Variants in RORA observed in about 807,000 individuals in gnomAD.
RORA encodes the protein nuclear receptor ROR-alpha.
Under a neutral mutation model 69.5 loss-of-function variants are expected in RORA, and 7 were observed. The observed-to-expected ratio is 0.10, with a 90% CI of 0.06 to 0.19. RORA has a LOEUF of 0.19. Among genes scored for constraint, RORA ranks in the 10% least tolerant of loss-of-function variants. RORA has a pLI of 1.00. For synonymous variants in RORA, 261 were observed against 240.8 expected (o/e 1.08, Z -0.78); for missense variants, 457 against 663.0 (o/e 0.69, Z 3.41).
chr15:60,671,167 T>C (rs535721358), intron 2 of RORA, among the ~76,000 whole-genome samples: 2 of 150,446 alleles, frequency 1.3e-5, no homozygotes, highest in African/African-American at 2.5e-5. Context: ...GAAACCACTG[T>C]GTCCGGAATC....
chr15:61,052,663 G>C (rs1157580087), intron 1 of RORA, among the ~76,000 whole-genome samples: 1 of 152,198 alleles, frequency 6.6e-6, no homozygotes, highest in Non-Finnish European at 1.5e-5. Context: ...AGCGCATTTT[G>C]AGACTGAGTA....
At chr15:60,818,201 A>G (rs992950639) in intron 1 of RORA, among the ~76,000 whole-genome samples, 2 of 152,162 alleles carry the variant, frequency 1.3e-5, no homozygotes, top group Non-Finnish European at 2.9e-5. Context: ...TGCAAAAGTT[A>G]TTGCAGTTTT....
intron 1 of RORA, among the ~76,000 whole-genome samples, chr15:60,680,537 C>A (rs1230560196): frequency 6.6e-6 from 1 of 151,666 alleles, no homozygotes; most frequent in Non-Finnish European, 1.5e-5. Context: ...TGGCATGGAG[C>A]TAAAACTTTT....
intron 3 of RORA, among the ~76,000 whole-genome samples, chr15:60,524,711 A>G (rs886559881): frequency 3.3e-5 from 5 of 152,200 alleles, no homozygotes; most frequent in Non-Finnish European, 7.3e-5. Flanking sequence ...GTCAATAAAT[A>G]CTTGTTGAAC....
At chr15:60,603,319 A>T (rs925018912) in intron 2 of RORA, among the ~76,000 whole-genome samples, 26 of 152,232 alleles carry the variant, frequency 1.7e-4, no homozygotes, top group Non-Finnish European at 3.2e-4. Flanking sequence ...GGATATATAC[A>T]TTTAATTATA....
intron 1 of RORA, among the ~76,000 whole-genome samples, chr15:61,076,019 C>A (rs708680): frequency 6.6e-6 from 1 of 151,958 alleles, no homozygotes; most frequent in Admixed American, 6.6e-5. Context: ...TTCACTTCCT[C>A]AAAGCTTAGT....
intron 1 of RORA, among the ~76,000 whole-genome samples, chr15:60,898,519 A>AAC (rs1891293559): frequency 1.3e-5 from 2 of 149,718 alleles, no homozygotes; most frequent in Non-Finnish European, 3.0e-5. Context: ...AAATAAATAA[A>AAC]TAAATAAATA....
At chr15:60,809,176 A>G (rs1595731486) in intron 1 of RORA, among the ~76,000 whole-genome samples, 2 of 151,566 alleles carry the variant, frequency 1.3e-5, no homozygotes, top group African/African-American at 4.8e-5. Context: ...TTGAAAAAAT[A>G]AATTAAAAAA....
chr15:60,615,747 G>A (rs1293492565), intron 2 of RORA, among the ~76,000 whole-genome samples: 2 of 152,156 alleles, frequency 1.3e-5, no homozygotes, highest in Non-Finnish European at 2.9e-5. Flanking sequence ...TCAACGCATG[G>A]CAACCAGTTC....
intron 2 of RORA, among the ~76,000 whole-genome samples, chr15:60,573,578 A>T (rs915449288): frequency 6.6e-6 from 1 of 152,190 alleles, no homozygotes; most frequent in Non-Finnish European, 1.5e-5. Context: ...ACTCCCGTAG[A>T]ATGAGGGTGA....
intron 1 of RORA, among the ~76,000 whole-genome samples, chr15:61,004,266 G>A (rs756418514): frequency 1.1e-4 from 17 of 149,044 alleles, no homozygotes; most frequent in Non-Finnish European, 2.1e-4. Flanking sequence ...GGAGAGAGAA[G>A]AGAGAGGGAG....
intron 1 of RORA, among the ~76,000 whole-genome samples, chr15:61,073,326 C>T (rs77880003): frequency 0.042 from 6,441 of 152,306 alleles, 176 homozygotes; most frequent in Middle Eastern, 0.075. Flanking sequence ...TAAAACTCCG[C>T]TCCTGTTTTA....
At position 60,649,521 on chromosome 15, in the gene RORA, A is replaced by G. The variant is rs553861931; in HGVS notation, c.196+29136T>C. Reference sequence around the variant, plus strand: ...TTCCTAGCTCTTCTAACGTCAGAACATTCTGTGTTAGGAGTTGCTAATCAG... The same window carrying G: ...TTCCTAGCTCTTCTAACGTCAGAACGTTCTGTGTTAGGAGTTGCTAATCAG... On this transcript the variant is annotated intron_variant, in intron 2 of 10. Transcript: ENST00000335670. 5.9e-5 allele frequency among the ~76,000 whole-genome samples: 9 copies of G among 152,340 alleles called. No homozygotes were observed. The East Asian group carries it at 1.7e-3, about 29-fold the overall frequency.
At chr15:61,137,899 G>C (rs960229779) in intron 1 of RORA, among the ~76,000 whole-genome samples, 3 of 151,960 alleles carry the variant, frequency 2.0e-5, no homozygotes, top group Non-Finnish European at 4.4e-5. Flanking sequence ...CCATTTCCTG[G>C]GTAACAATCT....
chr15:60,684,792 G>A (rs2070714742), intron 1 of RORA, among the ~76,000 whole-genome samples: 1 of 152,142 alleles, frequency 6.6e-6, no homozygotes, highest in South Asian at 2.1e-4. Context: ...CTTGCACATT[G>A]ACTCCTCCTT....
At chr15:61,122,222 T>A (rs777373258) in intron 1 of RORA, among the ~76,000 whole-genome samples, 13 of 152,322 alleles carry the variant, frequency 8.5e-5, no homozygotes, top group Admixed American at 1.3e-4. Flanking sequence ...TTATTCCACA[T>A]TATTTCTTCA....
At chr15:60,730,325 G>A (rs1204132958) in intron 1 of RORA, among the ~76,000 whole-genome samples, 1 of 152,216 alleles carries the variant, frequency 6.6e-6, no homozygotes, top group Non-Finnish European at 1.5e-5. Context: ...CGTAGGAAAT[G>A]CCATTCTTCT....
intron 1 of RORA, among the ~76,000 whole-genome samples, chr15:61,074,683 T>C (rs1270660373): frequency 6.6e-6 from 1 of 152,234 alleles, no homozygotes; most frequent in Non-Finnish European, 1.5e-5. Context: ...GGTGGTAGAC[T>C]CCTGGGAATA....
chr15:61,027,842 T>C (rs1038946386), intron 1 of RORA, among the ~76,000 whole-genome samples: 2 of 152,134 alleles, frequency 1.3e-5, no homozygotes, highest in Non-Finnish European at 2.9e-5. Context: ...ATCTGCAAAA[T>C]GGTAACAGGC....
Sources: gnomAD v4.1 joint callset for allele counts (sites outside exome capture counted in the v4.1 genomes callset) on GRCh38, gnomAD v4.1.1 for gene constraint, MANE v1.5 for transcripts, NCBI Gene and HGNC (gene_info 2026-07-23, HGNC 2026-07-21) for gene names.